HSD17B3: variants seen among roughly 807,000 people sequenced by gnomAD.
The protein encoded by HSD17B3 is hydroxysteroid 17-beta dehydrogenase 3.
Under a neutral mutation model 41.1 loss-of-function variants are expected in HSD17B3, and 29 were observed. That is an observed-to-expected ratio of 0.71 (90% CI 0.53 to 0.96). The LOEUF is 0.96. HSD17B3 is among the 40% of genes least tolerant of loss of function. HSD17B3 has a pLI of 0.00. For missense variants in HSD17B3, 323 were observed against 374.6 expected, an observed-to-expected ratio of 0.86 and a Z score of 1.14; for synonymous variants, 126 against 145.6, an observed-to-expected ratio of 0.87 and a Z score of 0.97.
intron 10 of HSD17B3, among the ~76,000 whole-genome samples, chr9:96,236,583 G>T (rs1251490595): frequency 6.6e-6 from 1 of 151,632 alleles, no homozygotes; most frequent in East Asian, 1.9e-4. Context: ...AATCAGAAAG[G>T]CTTTCCATCA....
rs1376482343 is a variant in HSD17B3 at position 96,243,924 on chromosome 9, T to C, written c.672+405A>G. On this transcript the variant is annotated intron_variant, in intron 9 of 10. Coordinates refer to ENST00000375263, the MANE Select transcript of HSD17B3 (RefSeq NM_000197.2). ...CAAACTCGGATCAAGTGCCCAGTTT[T>C]GTTTTGTTTGCTTCTTCTCCAGAAT... Among the ~76,000 whole-genome samples, 3 of 152,192 alleles carry C rather than the reference T, an allele frequency of 2.0e-5. No homozygotes were observed. The East Asian group carries it at 5.8e-4, about 29-fold the overall frequency.
intron 1 of HSD17B3, 23 bp from the exon 2 acceptor site, chr9:96,298,485 TA>T (rs1428062709): frequency 6.2e-7 from 1 of 1,605,390 alleles, no homozygotes; most frequent in South Asian, 1.1e-5. Flanking sequence ...AGAATGCTTT[TA>T]AAAGACAGAA....
At chr9:96,285,469 A>C (rs280664) in intron 2 of HSD17B3, among the ~76,000 whole-genome samples, 139,261 of 152,126 alleles carry the variant, frequency 0.92, 63,875 homozygotes, top group African/African-American at 0.96. Context: ...TAATTCTGGG[A>C]ACATTGGAAT....
At chr9:96,246,457 A>G (rs1394972890) in intron 7 of HSD17B3, 99 bp downstream of exon 7, 1 of 1,053,600 alleles carries the variant, frequency 9.5e-7, no homozygotes, top group Admixed American at 1.8e-5. Flanking sequence ...CGTTTGTTAA[A>G]GCACAGCCAG....
intron 6 of HSD17B3, 33 bp from the exon 7 acceptor site, chr9:96,246,623 G>C (rs1398177097): frequency 6.2e-7 from 1 of 1,608,744 alleles, no homozygotes; most frequent in Non-Finnish European, 8.5e-7. Context: ...AGCCCGACAA[G>C]GAACTAAGTA....
chr9:96,301,934 A>T lies in HSD17B3; in HGVS notation c.154+17T>A, dbSNP rs530025013. On this transcript the variant is annotated intron_variant, in intron 1 of 10. Coordinates refer to ENST00000375263, the MANE Select transcript of HSD17B3 (RefSeq NM_000197.2). ...AACAACAGCAGCAAAAAAACATGAG[A>T]TGGAACACTCCCTTACCTGCCCACT... The T allele has an allele frequency of 1.9e-6, 3 of 1,613,328 alleles. No individual in the cohort carries two copies. Among genetic ancestry groups the T allele is most frequent in the African/African-American group, 2.7e-5 (2 of 74,962 alleles).
intron 2 of HSD17B3, among the ~76,000 whole-genome samples, chr9:96,257,981 T>A (rs1825731810): frequency 6.6e-6 from 1 of 152,182 alleles, no homozygotes; most frequent in African/African-American, 2.4e-5. Flanking sequence ...TGCTATCCAA[T>A]TATCTAATTA....
chr9:96,270,955 G>GC (rs994371799), intron 2 of HSD17B3, among the ~76,000 whole-genome samples: 10 of 48,474 alleles, frequency 2.1e-4, no homozygotes, highest in African/African-American at 2.8e-4. Flanking sequence ...AATCCTCTCG[G>GC]GGGGGGGGGT....
intron 2 of HSD17B3, among the ~76,000 whole-genome samples, chr9:96,272,442 TATATAAA>T (rs1461132539): frequency 4.1e-5 from 4 of 97,928 alleles, no homozygotes; most frequent in African/African-American, 7.5e-5. Flanking sequence ...TATATATATA[TATATAAA>T]ATATATATGA....
At chr9:96,281,564 G>A (rs1361669338) in intron 2 of HSD17B3, among the ~76,000 whole-genome samples, 4 of 152,148 alleles carry the variant, frequency 2.6e-5, no homozygotes, top group Admixed American at 1.3e-4. Context: ...AGTCCCTCTC[G>A]TAAAGTCCCT....
At chr9:96,293,511 A>ACCTTTCTCTCCTCTCCCTCTCCCTC (rs1827231984) in intron 2 of HSD17B3, among the ~76,000 whole-genome samples, 1 of 141,462 alleles carries the variant, frequency 7.1e-6, no homozygotes, top group African/African-American at 3.2e-5. Context: ...AAATAAATCA[A>ACCTTTCTCTCCTCTCCCTCTCCCTC]CCTTTCTCTC....
At chr9:96,252,429 G>A (rs944156021) in intron 4 of HSD17B3, among the ~76,000 whole-genome samples, 15 of 151,850 alleles carry the variant, frequency 9.9e-5, no homozygotes, top group African/African-American at 2.9e-4. Context: ...TGTAGTCCCA[G>A]CTGCTTGGGA....
In HSD17B3 at chr9:96,253,598, C is replaced by T. The variant is rs370398500; in HGVS notation, c.278-688G>A. Among the ~76,000 whole-genome samples, 4 of 152,284 alleles carry T rather than the reference C, an allele frequency of 2.6e-5. No individual in the cohort carries two copies. The East Asian group carries it at 5.8e-4, about 22-fold the overall frequency. On this transcript the variant is annotated intron_variant, in intron 3 of 10. Coordinates refer to ENST00000375263, the MANE Select transcript of HSD17B3 (RefSeq NM_000197.2). ...GACCATCCACTCTCTGGTCACTCCA[C>T]GTTCAATGCGCTCCCCACTACTCTG...
At chr9:96,244,179 G>T in intron 9 of HSD17B3, 150 bp downstream of exon 9, 2 of 828,246 alleles carry the variant, frequency 2.4e-6, no homozygotes, top group South Asian at 2.7e-5. Flanking sequence ...GGCATCCCCA[G>T]CTCATCTTCC....
rs753738761 is a variant in HSD17B3, at chr9:96,245,454, T to C, written c.525-28A>G. The stretch of plus-strand genomic sequence containing the variant: ...GAAAGGCAAAGAAGCAAAGTTCCCA[T>C]GGCTTTGTTGCCCTACCTGACCTTG... On this transcript the variant is annotated intron_variant, in intron 7 of 10. Coordinates refer to ENST00000375263, the MANE Select transcript of HSD17B3 (RefSeq NM_000197.2). 18 of 1,562,784 alleles carry C rather than the reference T, an allele frequency of 1.2e-5. No homozygotes were observed. The East Asian group carries it at 1.3e-4, about 12-fold the overall frequency.
intron 2 of HSD17B3, among the ~76,000 whole-genome samples, chr9:96,267,116 GA>G (rs1826068702): frequency 6.6e-6 from 1 of 151,630 alleles, no homozygotes. Flanking sequence ...ACAAACGCGG[GA>G]AAGAGCAACT....
At chr9:96,271,635 G>C (rs999269) in intron 2 of HSD17B3, among the ~76,000 whole-genome samples, 44,462 of 152,040 alleles carry the variant, frequency 0.29, 7,105 homozygotes, top group Non-Finnish European at 0.37. Flanking sequence ...ATGAAGAAGA[G>C]AGCAAGAACC....
rs929944664 is a variant in HSD17B3 at position 96,255,075 on chromosome 9, G to A, written c.202-132C>T. 2.4e-5 allele frequency: 19 copies of A among 775,848 alleles called. No homozygotes were observed. The African/African-American group carries it at 3.1e-4, about 13-fold the overall frequency. 48.1% of individuals were successfully genotyped at this position (775,848 alleles called of 1,614,324 possible). ...ATGGTTGCTTCACCTGGGTTTAAGT[G>A]TGCAGAATGTGACAAAGCTTTCTGG... On this transcript the variant is annotated intron_variant, in intron 2 of 10. Transcript: ENST00000375263.
At chr9:96,289,415 C>G (rs887918319) in intron 2 of HSD17B3, among the ~76,000 whole-genome samples, 3 of 152,100 alleles carry the variant, frequency 2.0e-5, no homozygotes, top group Non-Finnish European at 4.4e-5. Flanking sequence ...AAGACTGACC[C>G]CTGCCAATGA....
Sources: gnomAD v4.1 joint callset for allele counts (sites outside exome capture counted in the v4.1 genomes callset) on GRCh38, gnomAD v4.1.1 for gene constraint, MANE v1.5 for transcripts, NCBI Gene and HGNC (gene_info 2026-07-23, HGNC 2026-07-21) for gene names.